CDH8: variants seen among roughly 807,000 people sequenced by gnomAD.
The protein encoded by CDH8 is cadherin 8.
CDH8 carries 17 observed loss-of-function variants against 68.1 expected under a neutral mutation model. The observed-to-expected ratio is 0.25, with a 90% confidence interval of 0.17 to 0.37. CDH8 has a LOEUF of 0.37. CDH8 is among the 10% of genes least tolerant of loss of function. The pLI is 1.00. For missense variants in CDH8, 763 were observed against 999.3 expected, an observed-to-expected ratio of 0.76 and a Z score of 3.19; for synonymous variants, 372 against 365.1, an observed-to-expected ratio of 1.02 and a Z score of -0.21.
chr16:61,680,735 C>T (rs574426532), intron 10 of CDH8, among the ~76,000 whole-genome samples: 88 of 151,846 alleles, frequency 5.8e-4, no homozygotes, highest in African/African-American at 2.0e-3. Context: ...ACTATAGATC[C>T]CATGGTTATA....
At chr16:61,693,939 A>G (rs1311332558) in intron 10 of CDH8, among the ~76,000 whole-genome samples, 1 of 152,184 alleles carries the variant, frequency 6.6e-6, no homozygotes, top group Non-Finnish European at 1.5e-5. Flanking sequence ...ATATTATGCA[A>G]CAGGCTCTGT....
intron 10 of CDH8, among the ~76,000 whole-genome samples, chr16:61,685,031 A>G (rs573727233): frequency 1.3e-5 from 2 of 151,832 alleles, no homozygotes; most frequent in Non-Finnish European, 2.9e-5. Context: ...ATCTTCCATC[A>G]TCTTTGTCAC....
intron 10 of CDH8, among the ~76,000 whole-genome samples, chr16:61,675,477 A>C (rs60305836): frequency 0.12 from 17,707 of 143,474 alleles, 1,340 homozygotes; most frequent in African/African-American, 0.18. Flanking sequence ...GAGGGATAGC[A>C]TTGGGAGATA....
At chr16:61,798,762 A>T (rs1035648516) in intron 7 of CDH8, among the ~76,000 whole-genome samples, 2 of 152,210 alleles carry the variant, frequency 1.3e-5, no homozygotes, top group Non-Finnish European at 2.9e-5. Flanking sequence ...GGAAGTGAAG[A>T]AGTCTTGAAG....
At chr16:61,809,497 C>T (rs563152549) in intron 7 of CDH8, among the ~76,000 whole-genome samples, 1 of 152,188 alleles carries the variant, frequency 6.6e-6, no homozygotes, top group East Asian at 1.9e-4. Context: ...GGCTTAAAAC[C>T]TAGATGACAG....
At chr16:61,689,916 A>C (rs923642401) in intron 10 of CDH8, among the ~76,000 whole-genome samples, 3 of 152,010 alleles carry the variant, frequency 2.0e-5, no homozygotes, top group African/African-American at 7.2e-5. Flanking sequence ...TATAGGTAGG[A>C]TACAACAGTC....
chr16:61,674,013 T>C (rs1453823827), intron 10 of CDH8, among the ~76,000 whole-genome samples: 3 of 152,258 alleles, frequency 2.0e-5, no homozygotes, highest in Middle Eastern at 3.4e-3. Flanking sequence ...TGTGGAAATA[T>C]ATGTTGAATG....
intron 8 of CDH8, among the ~76,000 whole-genome samples, chr16:61,775,615 G>T (rs926198713): frequency 6.6e-6 from 1 of 152,036 alleles, no homozygotes; most frequent in South Asian, 2.1e-4. Context: ...GGGGCTTCCT[G>T]TTGCTTTGCT....
chr16:61,847,372 A>G (rs1962829305), intron 4 of CDH8, among the ~76,000 whole-genome samples: 1 of 151,750 alleles, frequency 6.6e-6, no homozygotes, highest in Non-Finnish European at 1.5e-5. Flanking sequence ...TTTCATAGGG[A>G]TGTTTCTGAA....
At chr16:61,817,825 A>G in intron 6 of CDH8, 93 bp from the exon 7 acceptor site, 1 of 1,274,488 alleles carries the variant, frequency 7.8e-7, no homozygotes, top group Non-Finnish European at 1.1e-6. Flanking sequence ...AGTTATGTGC[A>G]TTTAAACCCA....
At chr16:61,745,544 C>T (rs1310802131) in intron 8 of CDH8, among the ~76,000 whole-genome samples, 1 of 150,800 alleles carries the variant, frequency 6.6e-6, no homozygotes, top group African/African-American at 2.4e-5. Context: ...TGTATTTTTA[C>T]TATTGTTTTC....
intron 2 of CDH8, among the ~76,000 whole-genome samples, chr16:61,905,446 A>G (rs1964045513): frequency 6.6e-6 from 1 of 151,838 alleles, no homozygotes; most frequent in African/African-American, 2.4e-5. Flanking sequence ...TGTAATTAAT[A>G]TATTTAATTA....
At chr16:61,686,810 T>A (rs575296678) in intron 10 of CDH8, among the ~76,000 whole-genome samples, 44 of 152,082 alleles carry the variant, frequency 2.9e-4, no homozygotes, top group Non-Finnish European at 4.6e-4. Context: ...GTTAGCAGTA[T>A]GTGTTTGGAA....
chr16:61,705,537 T>C (rs1371267794), intron 10 of CDH8, among the ~76,000 whole-genome samples: 1 of 152,160 alleles, frequency 6.6e-6, no homozygotes, highest in East Asian at 1.9e-4. Flanking sequence ...AGACATTGAA[T>C]AGTATGGTTC....
intron 10 of CDH8, among the ~76,000 whole-genome samples, chr16:61,697,420 A>T (rs1964347693): frequency 6.6e-6 from 1 of 151,970 alleles, no homozygotes; most frequent in Non-Finnish European, 1.5e-5. Context: ...ATTGATTTGG[A>T]ACCTGGGATA....
intron 3 of CDH8, among the ~76,000 whole-genome samples, chr16:61,864,172 A>C: frequency 6.6e-6 from 1 of 152,220 alleles, no homozygotes; most frequent in East Asian, 1.9e-4. Flanking sequence ...TAAATGTGTC[A>C]GACAGAATTC....
At chr16:61,670,764 GT>G (rs199621730) in intron 10 of CDH8, among the ~76,000 whole-genome samples, 6 of 150,638 alleles carry the variant, frequency 4.0e-5, no homozygotes, top group South Asian at 4.2e-4. Flanking sequence ...TATATTTACT[GT>G]TTTTTTTTCT....
intron 2 of CDH8, among the ~76,000 whole-genome samples, chr16:61,936,722 G>T (rs1164954783): frequency 6.6e-6 from 1 of 152,156 alleles, no homozygotes; most frequent in African/African-American, 2.4e-5. Context: ...CAGTACAGAG[G>T]AGACAAAACT....
chr16:61,740,343 CAT>C (rs1358277344), intron 8 of CDH8, among the ~76,000 whole-genome samples: 1 of 151,858 alleles, frequency 6.6e-6, no homozygotes, highest in Non-Finnish European at 1.5e-5. Context: ...TTTTAATAGT[CAT>C]ATATTTTTGA....
Sources: allele counts gnomAD v4.1 joint callset (sites outside exome capture counted in the v4.1 genomes callset), GRCh38; gene constraint gnomAD v4.1.1; transcripts MANE v1.5; gene names NCBI Gene and HGNC (gene_info 2026-07-23, HGNC 2026-07-21).